Variants in IL1RAPL1 observed in about 807,000 individuals in gnomAD.
IL1RAPL1 encodes the protein interleukin-1 receptor accessory protein-like 1.
IL1RAPL1 carries 3 observed loss-of-function variants against 48.4 expected under a neutral mutation model. That is an observed-to-expected ratio of 0.06 (90% confidence interval 0.03 to 0.16). The LOEUF (loss-of-function observed/expected upper bound fraction) is 0.16. Among genes scored for constraint, IL1RAPL1 ranks in the 10% least tolerant of loss-of-function variants. IL1RAPL1 has a pLI of 1.00. For synonymous variants in IL1RAPL1, 185 were observed against 187.7 expected (o/e 0.99, Z 0.12); for missense variants, 349 against 530.6 (o/e 0.66, Z 3.36).
chrX:29,624,488 A>G (rs1924558294), intron 5 of IL1RAPL1, among the ~76,000 whole-genome samples: 2 of 111,799 alleles, frequency 1.8e-5, no homozygotes, highest in South Asian at 7.3e-4. Context: ...AAGCTTGACT[A>G]TTTTTATTAT....
At chrX:29,559,172 A>C (rs983624729) in intron 5 of IL1RAPL1, among the ~76,000 whole-genome samples, 1 of 111,853 alleles carries the variant, frequency 8.9e-6, no homozygotes, top group African/African-American at 3.2e-5. Context: ...GCGTCCCTGG[A>C]ATAGATCCAA....
At chrX:29,205,242 A>G (rs902920358) in intron 2 of IL1RAPL1, among the ~76,000 whole-genome samples, 1 of 111,955 alleles carries the variant, frequency 8.9e-6, no homozygotes, top group Non-Finnish European at 1.9e-5. Flanking sequence ...CACCTTAGGA[A>G]AATTGCCTGC....
intron 2 of IL1RAPL1, among the ~76,000 whole-genome samples, chrX:28,900,850 T>A (rs945150876): frequency 8.9e-6 from 1 of 111,955 alleles, no homozygotes; most frequent in Non-Finnish European, 1.9e-5. Context: ...CTTTGTCCCT[T>A]ATAAAGGGAA....
chrX:29,705,726 A>C (rs1434675416), intron 6 of IL1RAPL1, among the ~76,000 whole-genome samples: 2 of 112,059 alleles, frequency 1.8e-5, no homozygotes, highest in Non-Finnish European at 3.8e-5. Context: ...CAATATATTT[A>C]TAGTGAGAAA....
chrX:29,379,303 G>A (rs191949600), intron 3 of IL1RAPL1, among the ~76,000 whole-genome samples: 274 of 112,296 alleles, frequency 2.4e-3, no homozygotes, highest in African/African-American at 8.5e-3. Flanking sequence ...GGGCTTTTGG[G>A]CAGGAGAGCC....
intron 5 of IL1RAPL1, among the ~76,000 whole-genome samples, chrX:29,575,880 G>A (rs1304612531): frequency 8.9e-6 from 1 of 111,979 alleles, no homozygotes; most frequent in Non-Finnish European, 1.9e-5. Context: ...GGCTGTGTGA[G>A]CTGTCATACA....
intron 1 of IL1RAPL1, among the ~76,000 whole-genome samples, chrX:28,709,814 G>A (rs1935419281): frequency 9.0e-6 from 1 of 111,449 alleles, no homozygotes; most frequent in Non-Finnish European, 1.9e-5. Context: ...AAGCAATTTT[G>A]CAACACCTTA....
intron 6 of IL1RAPL1, among the ~76,000 whole-genome samples, chrX:29,915,802 GGTTA>G (rs1459901207): frequency 5.7e-5 from 5 of 86,993 alleles, no homozygotes; most frequent in Admixed American, 1.4e-4. Flanking sequence ...ACATTGTGCA[GGTTA>G]GTTACATATG....
In IL1RAPL1 at chrX:29,835,151, T is replaced by G. The variant is rs150589053; in HGVS notation, c.779-82313T>G. 1.8e-4 allele frequency among the ~76,000 whole-genome samples: 20 copies of G among 112,276 alleles called. No homozygotes were observed. The East Asian group carries it at 5.6e-3, about 31-fold the overall frequency. On this transcript the variant is annotated intron_variant, in intron 6 of 10. Transcript: ENST00000378993. ...AATTTACTTTTCATTTTGTATCCTG[T>G]TTTTAGTGCTAAAGCACTTCATTCC...
rs139189097 is a variant in IL1RAPL1, at chrX:29,693,661, T to C, written c.778+25157T>C. ...AAACTGACATAACTCTAAATGAAAG[T>C]GAGCAGTGTCATGTTTGCTATTGTT... On this transcript the variant is annotated intron_variant, in intron 6 of 10. Coordinates refer to ENST00000378993, the MANE Select transcript of IL1RAPL1 (RefSeq NM_014271.4). 5.5e-3 allele frequency among the ~76,000 whole-genome samples: 621 copies of C among 112,156 alleles called. 4 individuals carry two copies. The highest frequency in any genetic ancestry group is 0.019 in the African/African-American group (573 of 30,928).
At chrX:28,797,326 A>G (rs1038960401) in intron 2 of IL1RAPL1, among the ~76,000 whole-genome samples, 8 of 111,654 alleles carry the variant, frequency 7.2e-5, no homozygotes, top group South Asian at 3.8e-4. Flanking sequence ...TTTCTCCTCA[A>G]AAAATGGGAT....
chrX:29,906,305 A>C (rs1162739173), intron 6 of IL1RAPL1, among the ~76,000 whole-genome samples: 2 of 100,163 alleles, frequency 2.0e-5, no homozygotes, highest in African/African-American at 7.4e-5. Flanking sequence ...ACTGCACTCC[A>C]GCCTGGGTGA....
chrX:28,792,816 A>AATATATATAT (rs1555924328), intron 2 of IL1RAPL1, among the ~76,000 whole-genome samples: 153 of 10,099 alleles, frequency 0.015, 4 homozygotes, highest in Non-Finnish European at 0.023. Context: ...AAAAAAAAAA[A>AATATATATAT]ATATATATAT....
intron 6 of IL1RAPL1, among the ~76,000 whole-genome samples, chrX:29,695,364 G>A (rs1429854646): frequency 9.0e-6 from 1 of 111,578 alleles, no homozygotes; most frequent in African/African-American, 3.3e-5. Context: ...CTTTCTGTCA[G>A]CTATAGTTGT....
intron 2 of IL1RAPL1, among the ~76,000 whole-genome samples, chrX:29,013,324 A>G (rs192740105): frequency 8.0e-5 from 9 of 112,174 alleles, no homozygotes; most frequent in African/African-American, 2.9e-4. Context: ...TCAAAGACCT[A>G]GAGGAAGAAA....
intron 2 of IL1RAPL1, among the ~76,000 whole-genome samples, chrX:29,068,407 A>T (rs911148710): frequency 1.8e-5 from 2 of 112,496 alleles, no homozygotes; most frequent in African/African-American, 6.5e-5. Flanking sequence ...CCATTTAAGC[A>T]CACAAATAGG....
At chrX:29,689,134 A>G (rs1237529484) in intron 6 of IL1RAPL1, among the ~76,000 whole-genome samples, 1 of 112,002 alleles carries the variant, frequency 8.9e-6, no homozygotes, top group African/African-American at 3.2e-5. Context: ...GATTATATCT[A>G]CTAATGGAAA....
chrX:28,998,278 A>G (rs1047908033), intron 2 of IL1RAPL1, among the ~76,000 whole-genome samples: 1 of 111,271 alleles, frequency 9.0e-6, no homozygotes, highest in East Asian at 2.8e-4. Flanking sequence ...GAAAAAAAAA[A>G]TGGCACTCTT....
At chrX:29,315,442 C>G (rs1602166315) in intron 3 of IL1RAPL1, among the ~76,000 whole-genome samples, 1 of 111,521 alleles carries the variant, frequency 9.0e-6, no homozygotes, top group African/African-American at 3.3e-5. Context: ...TTGCCTCCGT[C>G]TTGCTCAAAC....
Sources: gnomAD v4.1 joint callset for allele counts (sites outside exome capture counted in the v4.1 genomes callset) on GRCh38, gnomAD v4.1.1 for gene constraint, MANE v1.5 for transcripts, NCBI Gene and HGNC (gene_info 2026-07-23, HGNC 2026-07-21) for gene names.